FBN2: variants seen among roughly 807,000 people sequenced by gnomAD.
FBN2 encodes fibrillin-2.
FBN2 carries 105 observed loss-of-function variants against 355.6 expected under a neutral mutation model. That is an observed-to-expected ratio of 0.30 (90% CI 0.25 to 0.35). The LOEUF (loss-of-function observed/expected upper bound fraction) is 0.35, where lower values mean the gene tolerates loss of function less well. Among genes scored for constraint, FBN2 ranks in the 10% least tolerant of loss-of-function variants. FBN2 has a pLI of 1.00. For missense variants in FBN2, 3,280 were observed against 3,758.7 expected, an observed-to-expected ratio of 0.87 and a Z score of 3.33; for synonymous variants, 1,350 against 1,301.2, an observed-to-expected ratio of 1.04 and a Z score of -0.81.
Position 128,300,888 on chromosome 5 carries a change from C to T in FBN2, c.6095G>A (p.Cys2032Tyr). ...TCTGAAGGATCCCTCCAAATTCTGA[C>T]AGGTACCAGGAGAGCAAGAGCCGGG... ...ALPGSCSPGTCQNLEGSFRCI... is the reference protein window; with the variant it reads ...ALPGSCSPGTYQNLEGSFRCI... The change falls in exon 48 of 65, where the codon TGT becomes TAT. Residue 2032 changes from cysteine (C) to tyrosine (Y), a missense_variant. Cys to Tyr is a radical substitution (Grantham distance 194, BLOSUM62 -2). Around this residue, in one of 6 missense-constraint regions of FBN2, gnomAD observed 2,284 missense variants for 2,749.5 expected, o/e 0.83. Transcript: ENST00000262464. 3 of 1,613,848 alleles carry T rather than the reference C, an allele frequency of 1.9e-6. No homozygotes were observed. The highest frequency in any genetic ancestry group is 1.1e-5 in the South Asian group (1 of 91,084).
intron 5 of FBN2, among the ~76,000 whole-genome samples, chr5:128,501,449 A>G (rs951706098): frequency 2.0e-5 from 3 of 152,198 alleles, no homozygotes; most frequent in African/African-American, 7.2e-5. Context: ...ATACCAAATT[A>G]ATGCAAAAGC....
intron 4 of FBN2, among the ~76,000 whole-genome samples, chr5:128,525,584 G>T (rs1444952598): frequency 1.3e-5 from 2 of 151,982 alleles, no homozygotes; most frequent in Non-Finnish European, 2.9e-5. Context: ...TTAACACATT[G>T]GCCCCTCCTA....
intron 5 of FBN2, among the ~76,000 whole-genome samples, chr5:128,492,196 T>C (rs1022455225): frequency 2.6e-5 from 4 of 152,198 alleles, no homozygotes; most frequent in African/African-American, 9.6e-5. Flanking sequence ...ATCTATTTTC[T>C]TCTCTCAGAA....
intron 2 of FBN2, among the ~76,000 whole-genome samples, 184 bp downstream of exon 2, chr5:128,536,218 C>G (rs1756841678): frequency 6.6e-6 from 1 of 152,194 alleles, no homozygotes; most frequent in African/African-American, 2.4e-5. Context: ...GAAGTGAAGT[C>G]TGAACTGACT....
At chr5:128,451,616 T>A (rs1754250711) in intron 6 of FBN2, among the ~76,000 whole-genome samples, 1 of 152,112 alleles carries the variant, frequency 6.6e-6, no homozygotes. Context: ...GTCAGGCTGG[T>A]CTCGAACTCC....
chr5:128,418,928 G>A (rs115717933), intron 7 of FBN2, among the ~76,000 whole-genome samples: 1,860 of 152,188 alleles, frequency 0.012, 49 homozygotes, highest in African/African-American at 0.043. Flanking sequence ...TTTACAGATC[G>A]ACTTGGAGAG....
chr5:128,362,144 A>G (rs190115795), intron 18 of FBN2, among the ~76,000 whole-genome samples: 62 of 152,320 alleles, frequency 4.1e-4, no homozygotes, highest in Non-Finnish European at 4.9e-4. Flanking sequence ...ATTATGTTAG[A>G]TATATTTTTA....
At chr5:128,397,365 T>G (rs757473318) in intron 8 of FBN2, among the ~76,000 whole-genome samples, 6 of 152,156 alleles carry the variant, frequency 3.9e-5, no homozygotes, top group African/African-American at 7.2e-5. Flanking sequence ...ACACAATCAG[T>G]GCTACAAGTT....
chr5:128,305,422 T>C, intron 44 of FBN2, 89 bp downstream of exon 44: 1 of 1,470,860 alleles, frequency 6.8e-7, no homozygotes, highest in Non-Finnish European at 9.5e-7. Flanking sequence ...TGAGAAAATC[T>C]TTCCCAAATT....
chr5:128,471,117 G>C lies in FBN2; in HGVS notation c.629-6196C>G, dbSNP rs115579840. Among the ~76,000 whole-genome samples the C allele has an allele frequency of 6.5e-3, 989 of 152,058 alleles. 10 individuals are homozygous for C. The highest frequency in any genetic ancestry group is 0.023 in the African/African-American group (944 of 41,494). ...ACTAATAAAGTGATCATCTTGTATG[G>C]GAGTTACAGACATAAACATGTAAAA... On this transcript the variant is annotated intron_variant, in intron 5 of 64. Coordinates refer to ENST00000262464, the MANE Select transcript of FBN2 (RefSeq NM_001999.4).
chr5:128,291,538 T>C lies in FBN2; in HGVS notation c.6283A>G (p.Arg2095Gly). 1 of 1,613,902 alleles carries C rather than the reference T, an allele frequency of 6.2e-7. No homozygotes were observed. Among genetic ancestry groups the C allele is most frequent in the Non-Finnish European group, 8.5e-7 (1 of 1,179,858 alleles). The change falls in exon 49 of 65, where the codon AGA becomes GGA. Residue 2095 changes from arginine (R) to glycine (G), a missense_variant. Transcript: ENST00000262464. Reference sequence around the variant, plus strand: ...TCATGCCAAATCTTACCAAAGCATCTCCGTCCATTATCAGATAGTACAAAG... The same window carrying C: ...TCATGCCAAATCTTACCAAAGCATCCCCGTCCATTATCAGATAGTACAAAG... ...PGFVLSDNGR[R>G]CFDTRQSFCF...
At chr5:128,449,047 C>A (rs1754151301) in intron 6 of FBN2, among the ~76,000 whole-genome samples, 1 of 151,684 alleles carries the variant, frequency 6.6e-6, no homozygotes, top group Admixed American at 6.6e-5. Flanking sequence ...AAAATTCTAA[C>A]CTACACACAG....
intron 48 of FBN2, among the ~76,000 whole-genome samples, chr5:128,297,061 T>C (rs1405292301): frequency 6.6e-6 from 1 of 152,264 alleles, no homozygotes; most frequent in South Asian, 2.1e-4. Context: ...TGGTTTCAAA[T>C]AACATCTTTA....
chr5:128,374,409 C>T (rs144107470), intron 15 of FBN2, among the ~76,000 whole-genome samples: 268 of 152,010 alleles, frequency 1.8e-3, no homozygotes, highest in African/African-American at 6.1e-3. Context: ...TTTGTCACAA[C>T]GGACTTGCCG....
chr5:128,299,548 G>A (rs2126832277), intron 48 of FBN2, among the ~76,000 whole-genome samples: 2 of 152,252 alleles, frequency 1.3e-5, no homozygotes, highest in South Asian at 4.1e-4. Flanking sequence ...AAGCCCGTCG[G>A]AAAACCGCAG....
intron 5 of FBN2, among the ~76,000 whole-genome samples, chr5:128,475,782 T>C (rs1357203191): frequency 6.6e-6 from 1 of 152,180 alleles, no homozygotes; most frequent in African/African-American, 2.4e-5. Flanking sequence ...GGAGATTAAA[T>C]AGGCTAGCAT....
At position 128,502,328 on chromosome 5, in the gene FBN2, A is replaced by G. The variant is rs184444069; in HGVS notation, c.628+16945T>C. On this transcript the variant is annotated intron_variant, in intron 5 of 64. Coordinates refer to ENST00000262464, the MANE Select transcript of FBN2 (RefSeq NM_001999.4). ...ATTATAAAGTAAAAACTCTTTGAGCATCCAGGAAAAAACAGCAAGTGACTT... is the reference window on the plus strand; with the variant it reads ...ATTATAAAGTAAAAACTCTTTGAGCGTCCAGGAAAAAACAGCAAGTGACTT... 2.4e-3 allele frequency among the ~76,000 whole-genome samples: 370 copies of G among 152,238 alleles called. 2 individuals are homozygous for G. The highest frequency in any genetic ancestry group is 3.9e-3 in the Non-Finnish European group (265 of 68,010).
chr5:128,428,491 C>G (rs1045736842), intron 7 of FBN2, among the ~76,000 whole-genome samples: 1 of 152,170 alleles, frequency 6.6e-6, no homozygotes, highest in African/African-American at 2.4e-5. Context: ...GCCTCTACCT[C>G]AGGGGCACTG....
chr5:128,267,990 G>C (rs181053563), intron 62 of FBN2, among the ~76,000 whole-genome samples: 93 of 152,200 alleles, frequency 6.1e-4, no homozygotes, highest in Non-Finnish European at 1.0e-3. Flanking sequence ...GCAAGAGCAA[G>C]CTAATTCAAA....
Sources: gnomAD v4.1 joint callset for allele counts (sites outside exome capture counted in the v4.1 genomes callset) on GRCh38, gnomAD v4.1.1 for gene constraint, gnomAD v4.1.1 regional missense constraint, MANE v1.5 for transcripts, NCBI Gene and HGNC (gene_info 2026-07-23, HGNC 2026-07-21) for gene names.